The following ZC3H18 variants were observed in gnomAD, a reference collection of about 807,000 sequenced individuals.
The protein encoded by ZC3H18 is zinc finger CCCH domain-containing protein 18.
A neutral mutation model predicts 106.1 loss-of-function variants in ZC3H18; 8 were observed. The ratio of observed to expected loss-of-function variants is 0.08; its 90% CI spans 0.04 to 0.14. ZC3H18 has a LOEUF of 0.14. ZC3H18 is among the 10% of genes least tolerant of loss of function. The pLI is 1.00. For synonymous variants in ZC3H18, 635 were observed against 522.1 expected (o/e 1.22, Z -2.95); for missense variants, 1,318 against 1,278.4 (o/e 1.03, Z -0.47).
rs200450166 is a variant in ZC3H18, at chr16:88,571,322, G to GA, written c.-15+760dup. On this transcript the variant is annotated intron_variant, in intron 1 of 17. Coordinates refer to ENST00000301011, the MANE Select transcript of ZC3H18 (RefSeq NM_144604.4). ...TAGGTCATTCTTCAGACCCATTTGGGAAAATGGAAGAAGAGAGTGTTTGGC... is the reference window on the plus strand; with the variant it reads ...TAGGTCATTCTTCAGACCCATTTGGGAAAAATGGAAGAAGAGAGTGTTTGGC... Among the ~76,000 whole-genome samples the GA allele has an allele frequency of 8.1e-3, 1,240 of 152,304 alleles. 6 individuals are homozygous for GA. Among genetic ancestry groups the GA allele is most frequent in the Non-Finnish European group, 0.013 (853 of 68,026 alleles).
chr16:88,605,869 T>C (rs891314547), intron 6 of ZC3H18, among the ~76,000 whole-genome samples: 3 of 152,252 alleles, frequency 2.0e-5, no homozygotes, highest in Non-Finnish European at 4.4e-5. Context: ...GCATGTCCAA[T>C]GGTTCCCCTT....
chr16:88,622,464 C>T, intron 9 of ZC3H18, 76 bp downstream of exon 9: 1 of 1,458,232 alleles, frequency 6.9e-7, no homozygotes, highest in Non-Finnish European at 9.2e-7. Context: ...CTCACTGGGT[C>T]AGGTGGGGAA....
intron 8 of ZC3H18, among the ~76,000 whole-genome samples, chr16:88,619,480 G>A (rs1008830062): frequency 1.3e-5 from 2 of 152,122 alleles, no homozygotes; most frequent in African/African-American, 4.8e-5. Context: ...CCCGTCCACA[G>A]CCCTGGCCCA....
intron 6 of ZC3H18, among the ~76,000 whole-genome samples, chr16:88,605,095 G>A (rs1904948336): frequency 6.6e-6 from 1 of 152,234 alleles, no homozygotes; most frequent in African/African-American, 2.4e-5. Context: ...ACCAGATGCT[G>A]GTCCAGCACC....
rs1286660200 is a variant in ZC3H18 at position 88,627,789 on chromosome 16, AG to A, written c.2269+9del. 1 of 1,610,284 alleles carries A rather than the reference AG, an allele frequency of 6.2e-7. No individual in the cohort carries two copies. The highest frequency in any genetic ancestry group is 1.3e-5 in the African/African-American group (1 of 74,880). On this transcript the variant is annotated splice_region_variant and intron_variant, in intron 14 of 17. Coordinates refer to ENST00000301011, the MANE Select transcript of ZC3H18 (RefSeq NM_144604.4). The surrounding 1 kb of genome is among the most constrained non-coding windows in gnomAD (Gnocchi z 4.5). Reference sequence around the variant, plus strand: ...CAGACCAGGAAGGAGAAAGGTACTCAGGAGCCCTGGTACCTTTGGGGAGCAG... The same window carrying A: ...CAGACCAGGAAGGAGAAAGGTACTCAGAGCCCTGGTACCTTTGGGGAGCAG...
Position 88,598,626 on chromosome 16 carries a change from C to A in ZC3H18, c.844C>A (p.Pro282Thr), listed in dbSNP as rs766118383. The A allele has an allele frequency of 7.5e-6, 12 of 1,609,436 alleles. No individual in the cohort carries two copies. The South Asian group carries it at 1.3e-4, about 18-fold the overall frequency. Residue 282 changes from proline (P) to threonine (T), a missense_variant, in exon 5 of 18, where the codon CCG becomes ACG. Physicochemically the swap from Pro to Thr is conservative, Grantham distance 38. Around this residue, in one of 6 missense-constraint regions of ZC3H18, gnomAD observed 78 missense variants for 67.3 expected, o/e 1.16. Transcript: ENST00000301011. Reference sequence around the variant, plus strand: ...CCTTCTCGTTTTTCAATAGGGTGGGCCGGTAGTTGATGAAATTTTGCCTCC... The same window carrying A: ...CCTTCTCGTTTTTCAATAGGGTGGGACGGTAGTTGATGAAATTTTGCCTCC... ...PLMPANPWGG[P>T]VVDEILPPPP...
chr16:88,575,289 A>G (rs1037085534), intron 1 of ZC3H18, among the ~76,000 whole-genome samples: 9 of 152,058 alleles, frequency 5.9e-5, no homozygotes, highest in African/African-American at 2.2e-4. Context: ...GTGTATGGTT[A>G]TTTGAGATAC....
Position 88,588,561 on chromosome 16 carries a change from C to T in ZC3H18, c.688+1877C>T, listed in dbSNP as rs536061276. Among the ~76,000 whole-genome samples, 24 of 152,314 alleles carry T rather than the reference C, an allele frequency of 1.6e-4. No individual in the cohort carries two copies. In the South Asian group the frequency reaches 2.7e-3, roughly 17 times the overall value. ...ACAGACAGGATCCTGTCTCCTTGCACATCACGTGGGTTGGTCAGAATTGGA... is the reference window on the plus strand; with the variant it reads ...ACAGACAGGATCCTGTCTCCTTGCATATCACGTGGGTTGGTCAGAATTGGA... On this transcript the variant is annotated intron_variant, in intron 3 of 17. Coordinates refer to ENST00000301011, the MANE Select transcript of ZC3H18 (RefSeq NM_144604.4).
chr16:88,571,415 G>C (rs934722996), intron 1 of ZC3H18, among the ~76,000 whole-genome samples: 2 of 152,230 alleles, frequency 1.3e-5, no homozygotes, highest in African/African-American at 4.8e-5. Context: ...CCTCCAGCCT[G>C]TTGTCTGTAG....
chr16:88,602,334 G>A (rs567075900), intron 6 of ZC3H18, among the ~76,000 whole-genome samples: 1 of 152,382 alleles, frequency 6.6e-6, no homozygotes, highest in East Asian at 1.9e-4. Flanking sequence ...TTCGCATCCA[G>A]TGCTCCTGAC....
At position 88,624,560 on chromosome 16, in the gene ZC3H18, C is replaced by G. The variant is rs201111305; in HGVS notation, c.1899-42C>G. 5.6e-6 allele frequency: 9 copies of G among 1,612,588 alleles called. No homozygotes were observed. In the Middle Eastern group the frequency reaches 5.0e-4, roughly 89 times the overall value. On this transcript the variant is annotated intron_variant, in intron 11 of 17. Coordinates refer to ENST00000301011, the MANE Select transcript of ZC3H18 (RefSeq NM_144604.4). ...AAGGGGATGTAGGCCAGCGGGGCCC[C>G]GTCCACCAGCCCTGCCCTGCTCGAG...
At chr16:88,603,123 C>G (rs886794103) in intron 6 of ZC3H18, among the ~76,000 whole-genome samples, 3 of 151,906 alleles carry the variant, frequency 2.0e-5, no homozygotes, top group Non-Finnish European at 4.4e-5. Context: ...CGCCACCACG[C>G]TCAGCCAATT....
In ZC3H18 at chr16:88,577,240, C is replaced by G. The variant is rs770435213; in HGVS notation, c.117C>G (p.Asp39Glu). ...LRDSGSDQDL[D>E]GAGVRASDLE... is the part of the protein sequence containing the mutation. ...ACAGCGGGTCCGATCAGGATTTGGACGGGGCGGGGGTGAGGGCTTCTGATC... is the reference window on the plus strand; with the variant it reads ...ACAGCGGGTCCGATCAGGATTTGGAGGGGGCGGGGGTGAGGGCTTCTGATC... Residue 39 changes from aspartate (D) to glutamate (E), a missense_variant, in exon 2 of 18, where the codon GAC becomes GAG. Transcript: ENST00000301011. 6.2e-7 allele frequency: 1 copy of G among 1,611,878 alleles called. No individual in the cohort carries two copies. The highest frequency in any genetic ancestry group is 2.2e-5 in the East Asian group (1 of 44,808).
At chr16:88,581,927 G>A (rs981180443) in intron 2 of ZC3H18, among the ~76,000 whole-genome samples, 18 of 152,182 alleles carry the variant, frequency 1.2e-4, no homozygotes, top group African/African-American at 4.1e-4. Flanking sequence ...TCCATGTTCC[G>A]TGTTTATATC....
Position 88,611,323 on chromosome 16 carries a change from G to T in ZC3H18, c.1262G>T (p.Arg421Leu). The change falls in exon 8 of 18, where the codon CGG becomes CTG. Residue 421 changes from arginine to leucine, a missense_variant. Arg to Leu is a moderately radical substitution (Grantham distance 102). This residue lies in a region of ZC3H18 where 848 missense variants were observed against 821.7 expected (regional missense o/e 1.03). Transcript: ENST00000301011. ...AGACAGCGCGAGCGCGAGCGGGAGC[G>T]GGAGCGGGACCGAGAGCGGGAGCGC... ...ENRQRERERE[R>L]ERDRERERRQ... The T allele has an allele frequency of 1.3e-6, 1 of 762,232 alleles. No individual in the cohort carries two copies. The highest frequency in any genetic ancestry group is 2.4e-6 in the Non-Finnish European group (1 of 421,468). 47.2% of individuals were successfully genotyped at this position (762,232 alleles called of 1,614,324 possible).
rs369555830 is a variant in ZC3H18, at chr16:88,623,995, A to T, written c.1831A>T (p.Thr611Ser). The T allele has an allele frequency of 1.4e-5, 22 of 1,613,396 alleles. No homozygotes were observed. The Middle Eastern group carries it at 5.0e-4, about 36-fold the overall frequency. ...CTCTTCGTCCCCGTCCCCGTCCCCA[A>T]CACCTTCCCCACATAGACCTTCCAT... ...SFSSSPSPSPTPSPHRPSIRT... is the reference protein window; with the variant it reads ...SFSSSPSPSPSPSPHRPSIRT... Residue 611 changes from threonine to serine, a missense_variant, in exon 11 of 18, where the codon ACA (threonine) becomes TCA (serine). Physicochemically the swap from Thr to Ser is moderately conservative, Grantham distance 58 (BLOSUM62 1). Around this residue, in one of 6 missense-constraint regions of ZC3H18, gnomAD observed 848 missense variants for 821.7 expected, o/e 1.03. Transcript: ENST00000301011.
At position 88,577,569 on chromosome 16, in the gene ZC3H18, A is replaced by C. The variant is rs1914840512; in HGVS notation, c.446A>C (p.Lys149Thr). The change falls in exon 2 of 18, where the codon AAA (lysine) becomes ACA (threonine). Residue 149 changes from lysine to threonine, a missense_variant. Around this residue, in one of 6 missense-constraint regions of ZC3H18, gnomAD observed 346 missense variants for 269.0 expected, o/e 1.29. Coordinates refer to ENST00000301011, the MANE Select transcript of ZC3H18 (RefSeq NM_144604.4). Reference protein sequence around the residue: ...APAVQEDEAEKAGAEDDEEKG... With the variant: ...APAVQEDEAETAGAEDDEEKG... ...GCCGTCCAGGAGGACGAGGCTGAGAAAGCGGGGGCTGAGGATGATGAGGAG... is the reference window on the plus strand; with the variant it reads ...GCCGTCCAGGAGGACGAGGCTGAGACAGCGGGGGCTGAGGATGATGAGGAG... The C allele has an allele frequency of 6.2e-7, 1 of 1,613,542 alleles. No individual in the cohort carries two copies. The highest frequency in any genetic ancestry group is 1.7e-5 in the Admixed American group (1 of 59,990).
intron 6 of ZC3H18, among the ~76,000 whole-genome samples, chr16:88,601,006 C>T (rs138532359): frequency 2.6e-5 from 4 of 152,328 alleles, no homozygotes; most frequent in African/African-American, 7.2e-5. Context: ...AAAAGGAAGG[C>T]GTGCAGGGCT....
In ZC3H18 at chr16:88,599,876, G is replaced by T; in HGVS notation, c.1016G>T (p.Arg339Leu). Residue 339 changes from arginine (R) to leucine (L), a missense_variant, in exon 6 of 18, where the codon CGG becomes CTG. By Grantham distance (102) the Arg-to-Leu change is moderately radical. This residue lies in a region of ZC3H18 where 848 missense variants were observed against 821.7 expected (regional missense o/e 1.03). Transcript: ENST00000301011. ...RFTVTIGEDE[R>L]EFDKENEVFR... ...ACGGTGACCATTGGCGAAGACGAAC[G>T]GGAATTTGACAAAGAAAATGAAGTT... is the stretch of plus-strand genomic sequence containing the variant. 1 of 1,614,238 alleles carries T rather than the reference G, an allele frequency of 6.2e-7. No individual in the cohort carries two copies. Among genetic ancestry groups the T allele is most frequent in the Non-Finnish European group, 8.5e-7 (1 of 1,180,046 alleles).
Sources: allele counts gnomAD v4.1 joint callset (sites outside exome capture counted in the v4.1 genomes callset), GRCh38; gene constraint gnomAD v4.1.1; regional missense constraint gnomAD v4.1.1; non-coding constraint Gnocchi (gnomAD v3.1); transcripts MANE v1.5; gene names NCBI Gene and HGNC (gene_info 2026-07-23, HGNC 2026-07-21).